EYS: variants seen among roughly 807,000 people sequenced by gnomAD.
EYS encodes the protein EGF-like photoreceptor maintenance factor, also known as protein eyes shut homolog.
A neutral mutation model predicts 282.1 loss-of-function variants in EYS; 250 were observed. The observed-to-expected ratio is 0.89, with a 90% CI of 0.80 to 0.98. EYS has a LOEUF of 0.98. Among genes scored for constraint, EYS ranks in the 50% least tolerant of loss-of-function variants. The probability of loss-of-function intolerance (pLI) is 0.00; values close to 1 mark genes in which losing one functional copy is unlikely to be tolerated. For synonymous variants in EYS, 1,355 were observed against 1,282.9 expected (o/e 1.06, Z -1.20); for missense variants, 4,016 against 3,709.0 (o/e 1.08, Z -2.15).
intron 5 of EYS, among the ~76,000 whole-genome samples, chr6:65,419,892 T>C (rs140075608): frequency 0.012 from 1,896 of 152,078 alleles, 55 homozygotes; most frequent in African/African-American, 0.042. Flanking sequence ...ATGAAAGTTA[T>C]GTTTACACTA....
At position 64,024,081 on chromosome 6, in the gene EYS, C is replaced by T. The variant is rs570063195; in HGVS notation, c.6726-24898G>A. Among the ~76,000 whole-genome samples the T allele has an allele frequency of 3.3e-4, 50 of 152,336 alleles. No individual in the cohort carries two copies. In the East Asian group the frequency reaches 5.8e-3, roughly 18 times the overall value. ...ATGAGTGCCACCCCCTGCTCCACAG[C>T]GCCCAGTCCCATCGACCACCCAAGG... On this transcript the variant is annotated intron_variant, in intron 33 of 42. Coordinates refer to ENST00000503581, the MANE Select transcript of EYS (RefSeq NM_001142800.2).
At position 64,590,781 on chromosome 6, in the gene EYS, C is replaced by T; in HGVS notation, c.5086G>A (p.Glu1696Lys). The T allele has an allele frequency of 6.5e-7, 1 of 1,550,258 alleles. No individual in the cohort carries two copies. Among genetic ancestry groups the T allele is most frequent in the African/African-American group, 1.4e-5 (1 of 73,058 alleles). ...ATTTTCAATAGTTTTAAAATGTTTT[C>T]TGATACTGACAGTTCATCAGTAGTC... ...KMTTDELSVSENILKLLKIRQ... is the reference protein window; with the variant it reads ...KMTTDELSVSKNILKLLKIRQ... The change falls in exon 26 of 43, where the codon GAA (glutamate) becomes AAA (lysine). Residue 1696 changes from glutamate (E) to lysine (K), a missense_variant. Coordinates refer to ENST00000503581, the MANE Select transcript of EYS (RefSeq NM_001142800.2).
chr6:64,151,317 T>TA (rs1774704033), intron 31 of EYS, among the ~76,000 whole-genome samples: 33 of 52,436 alleles, frequency 6.3e-4, no homozygotes, highest in Middle Eastern at 0.019. Context: ...GTGTGTATAT[T>TA]TATATATATA....
intron 28 of EYS, among the ~76,000 whole-genome samples, chr6:64,398,536 G>A (rs866864303): frequency 6.6e-6 from 1 of 151,626 alleles, no homozygotes; most frequent in East Asian, 1.9e-4. Flanking sequence ...ATATACACAC[G>A]TTCAAACATA....
At chr6:65,592,885 T>G (rs1178875906) in intron 2 of EYS, among the ~76,000 whole-genome samples, 1 of 152,014 alleles carries the variant, frequency 6.6e-6, no homozygotes, top group Non-Finnish European at 1.5e-5. Context: ...GGCTTTATTC[T>G]TTTGTGATTC....
intron 31 of EYS, among the ~76,000 whole-genome samples, chr6:64,176,977 A>G: frequency 6.6e-6 from 1 of 151,194 alleles, no homozygotes; most frequent in East Asian, 2.0e-4. Flanking sequence ...TATTATTTTG[A>G]AAATTCTCCC....
At chr6:64,909,293 T>C (rs1767921711) in intron 16 of EYS, among the ~76,000 whole-genome samples, 1 of 152,126 alleles carries the variant, frequency 6.6e-6, no homozygotes, top group Admixed American at 6.6e-5. Context: ...GTACAGTTTA[T>C]AGAGGCAAAA....
chr6:64,410,392 G>A (rs956156242), intron 28 of EYS, among the ~76,000 whole-genome samples: 3 of 152,042 alleles, frequency 2.0e-5, no homozygotes, highest in East Asian at 1.9e-4. Flanking sequence ...AAAATGAGTC[G>A]CATTGCTATC....
chr6:65,260,438 A>C (rs1345549983), intron 12 of EYS, among the ~76,000 whole-genome samples: 1 of 151,874 alleles, frequency 6.6e-6, no homozygotes, highest in Non-Finnish European at 1.5e-5. Context: ...TCTTTTTCTT[A>C]TTATTATTTC....
At chr6:63,845,751 A>G (rs1772082117) in intron 36 of EYS, among the ~76,000 whole-genome samples, 1 of 152,188 alleles carries the variant, frequency 6.6e-6, no homozygotes, top group East Asian at 1.9e-4. Context: ...TGTTTATTGC[A>G]CAGGTGTTCT....
chr6:65,539,067 G>A (rs1311045228), intron 2 of EYS, among the ~76,000 whole-genome samples: 1 of 152,060 alleles, frequency 6.6e-6, no homozygotes, highest in Non-Finnish European at 1.5e-5. Flanking sequence ...TGTATTTAAA[G>A]TGTTTATTAT....
chr6:64,803,883 C>T (rs1214637052), intron 22 of EYS, among the ~76,000 whole-genome samples: 1 of 152,204 alleles, frequency 6.6e-6, no homozygotes, highest in Non-Finnish European at 1.5e-5. Context: ...ACTTCCAAGA[C>T]TGTGGGGCCA....
At chr6:64,321,754 T>A (rs1770226135) in intron 29 of EYS, among the ~76,000 whole-genome samples, 1 of 151,922 alleles carries the variant, frequency 6.6e-6, no homozygotes, top group Non-Finnish European at 1.5e-5. Flanking sequence ...TGATGTTTAG[T>A]TGTTATATAG....
intron 35 of EYS, among the ~76,000 whole-genome samples, chr6:63,901,900 A>AT (rs535400107): frequency 6.0e-4 from 90 of 148,916 alleles, no homozygotes; most frequent in African/African-American, 2.3e-3. Flanking sequence ...TTATTTATTT[A>AT]TTATTTAATT....
At chr6:65,627,488 G>C (rs1766749976) in intron 2 of EYS, among the ~76,000 whole-genome samples, 1 of 152,168 alleles carries the variant, frequency 6.6e-6, no homozygotes, top group African/African-American at 2.4e-5. Context: ...GCTGGCCAAG[G>C]CTGGAGCCCA....
chr6:65,325,353 C>T (rs1361494362), intron 11 of EYS, among the ~76,000 whole-genome samples: 6 of 152,046 alleles, frequency 3.9e-5, no homozygotes, highest in East Asian at 1.9e-4. Flanking sequence ...ATACAACAAA[C>T]GCTGCATTTG....
At chr6:64,000,178 T>C (rs1307794729) in intron 33 of EYS, among the ~76,000 whole-genome samples, 1 of 51,294 alleles carries the variant, frequency 1.9e-5, no homozygotes, top group Non-Finnish European at 4.0e-5. Flanking sequence ...CTTTTTTTTT[T>C]TTTTTTTTTT....
chr6:65,025,862 A>G (rs1316768638), intron 13 of EYS, among the ~76,000 whole-genome samples: 1 of 152,226 alleles, frequency 6.6e-6, no homozygotes, highest in Non-Finnish European at 1.5e-5. Flanking sequence ...AAGGAGGACC[A>G]TTAGAAAAAA....
At chr6:64,486,946 A>G (rs1319565529) in intron 26 of EYS, among the ~76,000 whole-genome samples, 1 of 151,438 alleles carries the variant, frequency 6.6e-6, no homozygotes, top group Non-Finnish European at 1.5e-5. Flanking sequence ...ACTAGAAAAT[A>G]CAGGTCACTA....
Sources: allele counts gnomAD v4.1 joint callset (sites outside exome capture counted in the v4.1 genomes callset), GRCh38; gene constraint gnomAD v4.1.1; transcripts MANE v1.5; gene names NCBI Gene and HGNC (gene_info 2026-07-23, HGNC 2026-07-21).